CENPP: variants seen among roughly 807,000 people sequenced by gnomAD.
CENPP encodes the protein centromere protein P.
A neutral mutation model predicts 35.6 loss-of-function variants in CENPP; 24 were observed. The observed-to-expected ratio is 0.67, with a 90% CI of 0.49 to 0.95. The LOEUF (loss-of-function observed/expected upper bound fraction) is 0.95, where lower values mean the gene tolerates loss of function less well. CENPP is among the 40% of genes least tolerant of loss of function. The probability of loss-of-function intolerance (pLI) is 0.00; values close to 1 mark genes in which losing one functional copy is unlikely to be tolerated. For missense variants in CENPP, 332 were observed against 345.3 expected (o/e 0.96, Z 0.31); for synonymous variants, 120 against 125.5 (o/e 0.96, Z 0.29).
chr9:92,420,979 G>A (rs940130480), intron 5 of CENPP, among the ~76,000 whole-genome samples: 1 of 152,102 alleles, frequency 6.6e-6, no homozygotes, highest in Non-Finnish European at 1.5e-5. Context: ...TGATGTGTTT[G>A]GGAAATGTGG....
At chr9:92,485,539 A>C (rs75852393) in intron 5 of CENPP, among the ~76,000 whole-genome samples, 8 of 152,362 alleles carry the variant, frequency 5.3e-5, no homozygotes, top group African/African-American at 1.9e-4. Flanking sequence ...GTGAAAATAA[A>C]AATAAATTGC....
At chr9:92,366,640 A>G (rs1841895291) in intron 4 of CENPP, among the ~76,000 whole-genome samples, 1 of 152,238 alleles carries the variant, frequency 6.6e-6, no homozygotes, top group South Asian at 2.1e-4. Context: ...TATTTTTAAA[A>G]TAAAACACAG....
chr9:92,537,961 T>C (rs1849228652), intron 5 of CENPP, among the ~76,000 whole-genome samples: 1 of 152,178 alleles, frequency 6.6e-6, no homozygotes, highest in African/African-American at 2.4e-5. Flanking sequence ...ATACATTGTT[T>C]TTTGGGGGAA....
At chr9:92,376,664 A>G (rs537239596) in intron 4 of CENPP, among the ~76,000 whole-genome samples, 5 of 152,124 alleles carry the variant, frequency 3.3e-5, no homozygotes, top group Non-Finnish European at 7.4e-5. Flanking sequence ...GCCCCACCCT[A>G]ATCTTTTATT....
chr9:92,442,554 A>G (rs565572048), intron 5 of CENPP, among the ~76,000 whole-genome samples: 206 of 152,202 alleles, frequency 1.4e-3, no homozygotes, highest in Non-Finnish European at 2.4e-3. Context: ...TAGTAAATAA[A>G]AAACATTTGA....
chr9:92,488,166 A>G (rs891262924), intron 5 of CENPP, among the ~76,000 whole-genome samples: 1 of 152,222 alleles, frequency 6.6e-6, no homozygotes, highest in Non-Finnish European at 1.5e-5. Flanking sequence ...GTCAGGGAAC[A>G]TCTGTATTAT....
At chr9:92,474,776 TCA>T (rs1448686054) in intron 5 of CENPP, 6 of 1,612,922 alleles carry the variant, frequency 3.7e-6, no homozygotes, top group Non-Finnish European at 5.1e-6. Flanking sequence ...ATCATCATCA[TCA>T]TCATCATCTG....
Position 92,444,138 on chromosome 9 carries a change from T to C in CENPP, c.564+64279T>C, listed in dbSNP as rs188442032. ...TTATAAATTTTCCTAGCCAGTCCTA[T>C]ATCACTCCGCTTTGAGATACTGAAT... On this transcript the variant is annotated intron_variant, in intron 5 of 7. Coordinates refer to ENST00000375587, the MANE Select transcript of CENPP (RefSeq NM_001012267.3). 3.3e-3 allele frequency among the ~76,000 whole-genome samples: 508 copies of C among 152,342 alleles called. 1 individual carries two copies. Among genetic ancestry groups the C allele is most frequent in the African/African-American group, 0.011 (467 of 41,570 alleles).
At chr9:92,345,489 T>C (rs1841264174) in intron 3 of CENPP, among the ~76,000 whole-genome samples, 2 of 130,916 alleles carry the variant, frequency 1.5e-5, no homozygotes, top group East Asian at 2.1e-4. Context: ...AGACTCCGTC[T>C]CCAAAAAAAA....
chr9:92,447,693 G>A (rs2131014815), intron 5 of CENPP, among the ~76,000 whole-genome samples: 1 of 152,284 alleles, frequency 6.6e-6, no homozygotes, highest in South Asian at 2.1e-4. Flanking sequence ...TACAGTGACT[G>A]AGAATAAAAA....
intron 5 of CENPP, among the ~76,000 whole-genome samples, chr9:92,412,464 A>G (rs1007591616): frequency 3.9e-5 from 6 of 152,112 alleles, no homozygotes; most frequent in African/African-American, 1.4e-4. Flanking sequence ...GAACATTTTC[A>G]TTACTCCAAA....
At chr9:92,528,026 T>A in intron 5 of CENPP, 1 of 152,460 alleles carries the variant, frequency 6.6e-6, no homozygotes, top group Middle Eastern at 6.0e-4. Context: ...TTTTGGAGAG[T>A]CTGTGAAGTT....
At chr9:92,518,256 T>C (rs1413629929) in intron 5 of CENPP, among the ~76,000 whole-genome samples, 1 of 152,224 alleles carries the variant, frequency 6.6e-6, no homozygotes, top group African/African-American at 2.4e-5. Flanking sequence ...TCATATTCAC[T>C]CAGGATTCAT....
intron 5 of CENPP, among the ~76,000 whole-genome samples, chr9:92,391,860 A>T (rs1443366886): frequency 6.6e-6 from 1 of 152,182 alleles, no homozygotes; most frequent in East Asian, 1.9e-4. Flanking sequence ...TGGGGTTATA[A>T]ATAAATTTTA....
intron 5 of CENPP, among the ~76,000 whole-genome samples, chr9:92,595,291 G>C (rs1850752229): frequency 6.6e-6 from 1 of 152,132 alleles, no homozygotes; most frequent in Non-Finnish European, 1.5e-5. Flanking sequence ...ATCCAGGCTA[G>C]AGTGCATTGG....
chr9:92,445,146 C>T (rs1844519538), intron 5 of CENPP, among the ~76,000 whole-genome samples: 1 of 152,174 alleles, frequency 6.6e-6, no homozygotes, highest in Non-Finnish European at 1.5e-5. Context: ...AAGCAGCTTT[C>T]TCTGCCAACT....
upstream of CENPP, chr9:92,325,759 T>C (rs138713652): frequency 4.6e-3 from 2,334 of 506,970 alleles, 15 homozygotes; most frequent in Admixed American, 7.2e-3. Context: ...AGAGAAAGTA[T>C]AGCCACTGCT....
intron 4 of CENPP, among the ~76,000 whole-genome samples, chr9:92,354,200 T>C (rs1008649972): frequency 6.6e-6 from 1 of 152,164 alleles, no homozygotes; most frequent in Non-Finnish European, 1.5e-5. Context: ...CAAACCCATA[T>C]CCGGAGTAAG....
intron 5 of CENPP, chr9:92,401,116 A>G: frequency 6.6e-7 from 1 of 1,517,896 alleles, no homozygotes; most frequent in Non-Finnish European, 9.1e-7. Flanking sequence ...TTGGGAGGTA[A>G]TGGTGTTATT....
Sources: allele counts gnomAD v4.1 joint callset (sites outside exome capture counted in the v4.1 genomes callset), GRCh38; gene constraint gnomAD v4.1.1; transcripts MANE v1.5; gene names NCBI Gene and HGNC (gene_info 2026-07-23, HGNC 2026-07-21).